The following LRRC19 variants were observed in gnomAD, a reference collection of about 807,000 sequenced individuals.
LRRC19 encodes leucine rich repeat containing 19, also known as leucine-rich repeat-containing protein 19.
In LRRC19, 33 loss-of-function variants were observed where a neutral mutation model predicts 33.3. The ratio of observed to expected loss-of-function variants is 0.99; its 90% confidence interval spans 0.75 to 1.33. LRRC19 has a LOEUF of 1.33. Among genes scored for constraint, LRRC19 ranks in the 40% most tolerant of loss-of-function variants. The pLI is 0.00. For synonymous variants in LRRC19, 184 were observed against 152.3 expected (o/e 1.21, Z -1.53); for missense variants, 463 against 417.3 (o/e 1.11, Z -0.95).
intron 1 of LRRC19, among the ~76,000 whole-genome samples, chr9:27,002,965 A>G (rs1828579218): frequency 6.6e-6 from 1 of 151,862 alleles, no homozygotes; most frequent in African/African-American, 2.4e-5. Context: ...AGTTTCTTTC[A>G]TCAGTGTTTT....
chr9:27,003,215 T>A (rs982735624), intron 1 of LRRC19, among the ~76,000 whole-genome samples: 10 of 152,226 alleles, frequency 6.6e-5, no homozygotes, highest in Non-Finnish European at 7.4e-5. Context: ...GTTTTTTTTT[T>A]AATTTTTTAA....
At chr9:27,002,951 C>G (rs1202760560) in intron 1 of LRRC19, among the ~76,000 whole-genome samples, 2 of 151,866 alleles carry the variant, frequency 1.3e-5, no homozygotes, top group African/African-American at 4.8e-5. Context: ...TTTGTATCCT[C>G]TTCAGTTTCT....
intron 1 of LRRC19, among the ~76,000 whole-genome samples, chr9:27,003,684 C>T (rs1828625769): frequency 1.3e-5 from 2 of 152,168 alleles, no homozygotes; most frequent in African/African-American, 4.8e-5. Flanking sequence ...TATGCACATT[C>T]CCCTTCTACC....
rs750620039 is a variant in LRRC19 at position 26,998,159 on chromosome 9, C to T, written c.164G>A (p.Ser55Asn). The T allele has an allele frequency of 1.2e-6, 2 of 1,603,528 alleles. No individual in the cohort carries two copies. The highest frequency in any genetic ancestry group is 1.7e-6 in the Non-Finnish European group (2 of 1,172,876). ...IKKDVTILDL[S>N]YNQITLNGTD... Reference sequence around the variant, plus strand: ...ACCATTAAGAGTAATTTGGTTATAACTGAGATCAAGTATAGTAACATCTTT... The same window carrying T: ...ACCATTAAGAGTAATTTGGTTATAATTGAGATCAAGTATAGTAACATCTTT... Residue 55 changes from serine to asparagine, a missense_variant, in exon 3 of 5, where the codon AGT becomes AAT. Ser to Asn is a conservative substitution (Grantham distance 46, BLOSUM62 1). Coordinates refer to ENST00000380055, the MANE Select transcript of LRRC19 (RefSeq NM_022901.3).
At position 26,995,575 on chromosome 9, in the gene LRRC19, A is replaced by G. The variant is rs144657022; in HGVS notation, c.1059T>C (p.Asp353=). 1 of 1,599,026 alleles carries G rather than the reference A, an allele frequency of 6.3e-7. No homozygotes were observed. Among genetic ancestry groups the G allele is most frequent in the African/African-American group, 1.3e-5 (1 of 74,548 alleles). The part of the protein sequence containing the change: ...EQLHSFVVDD[D]GFIEDKYIDI... ...CTATATATTTGTCTTCAATAAATCC[A>G]TCATCATCTACCACAAATGAATGTA... Residue 353 remains aspartate (D), a synonymous_variant, in exon 5 of 5, where the codon GAT becomes GAC. Transcript: ENST00000380055.
chr9:27,001,244 G>C (rs10967654), intron 1 of LRRC19, among the ~76,000 whole-genome samples: 3,126 of 152,034 alleles, frequency 0.021, 49 homozygotes, highest in Non-Finnish European at 0.031. Flanking sequence ...TTTTGCTCTT[G>C]TGAATAGTCC....
At chr9:27,000,062 G>C (rs1828395276) in intron 1 of LRRC19, among the ~76,000 whole-genome samples, 1 of 152,038 alleles carries the variant, frequency 6.6e-6, no homozygotes, top group South Asian at 2.1e-4. Context: ...TTATAGATAT[G>C]AGCCACTTAC....
intron 1 of LRRC19, among the ~76,000 whole-genome samples, chr9:27,005,221 A>G (rs561692162): frequency 9.2e-5 from 14 of 152,120 alleles, no homozygotes; most frequent in Admixed American, 3.9e-4. Context: ...TTCAATAATC[A>G]TCAACTCATG....
chr9:26,996,481 A>T lies in LRRC19; in HGVS notation c.614T>A (p.Met205Lys), dbSNP rs146705309. 4 of 1,480,598 alleles carry T rather than the reference A, an allele frequency of 2.7e-6. No homozygotes were observed. In the African/African-American group the frequency reaches 5.6e-5, roughly 21 times the overall value. The allele number at this position is 1,480,598 out of a possible 1,614,324, so 91.7% of individuals were successfully genotyped here. A position where few individuals can be genotyped will look rare whatever the true frequency, so the allele number is the denominator to read the frequency against. The change falls in exon 4 of 5, where the codon ATG becomes AAG. Residue 205 changes from methionine to lysine, a missense_variant. Coordinates refer to ENST00000380055, the MANE Select transcript of LRRC19 (RefSeq NM_022901.3). ...CTGCAGGCTGTTGGGGTAGCTACAC[A>T]TGGTGATGTTCTCATTTTCTAGTAA... ...NVTLENENIT[M>K]CSYPNSLQSY...
intron 3 of LRRC19, among the ~76,000 whole-genome samples, chr9:26,997,209 T>C (rs556213190): frequency 7.2e-6 from 1 of 138,418 alleles, no homozygotes; most frequent in South Asian, 2.7e-4. Flanking sequence ...CAAAACTCTG[T>C]CTCAAAAAAA....
rs1337409466 is a variant in LRRC19 at position 26,994,103 on chromosome 9, A to T, written c.*1418T>A. 6.6e-6 allele frequency: 1 copy of T among 152,210 alleles called. No individual in the cohort carries two copies. The highest frequency in any genetic ancestry group is 1.5e-5 in the Non-Finnish European group (1 of 68,040). 9.4% of individuals were successfully genotyped at this position (152,210 alleles called of 1,614,324 possible). ...TGTTTTCCAAACTACGTTCTTTGGA[A>T]TGTTATTGAACTACGAGCTCTTAGT... On this transcript the variant is annotated 3_prime_UTR_variant, in exon 5 of 5. Coordinates refer to ENST00000380055, the MANE Select transcript of LRRC19 (RefSeq NM_022901.3).
In LRRC19 at chr9:26,995,770, A is replaced by G. The variant is rs759985736; in HGVS notation, c.864T>C (p.Phe288=). 6 of 1,613,730 alleles carry G rather than the reference A, an allele frequency of 3.7e-6. No individual in the cohort carries two copies. Among genetic ancestry groups the G allele is most frequent in the Admixed American group, 1.7e-5 (1 of 60,006 alleles). The change falls in exon 5 of 5, where the codon TTT becomes TTC. Residue 288 remains phenylalanine, a synonymous_variant. Transcript: ENST00000380055. The part of the protein sequence containing the change: ...VTVLTTSLLI[F]IAIKCPIWYN... The stretch of plus-strand genomic sequence containing the variant: ...ACCATATTGGGCATTTGATAGCAAT[A>G]AAAATGAGAAGTGAAGTCGTCAGTA...
intron 1 of LRRC19, among the ~76,000 whole-genome samples, chr9:27,002,961 T>C (rs750474170): frequency 2.0e-5 from 3 of 152,202 alleles, no homozygotes; most frequent in Non-Finnish European, 4.4e-5. Context: ...CTTCAGTTTC[T>C]TTCATCAGTG....
chr9:26,998,555 G>A (rs6475950), intron 2 of LRRC19, among the ~76,000 whole-genome samples: 131,062 of 152,234 alleles, frequency 0.86, 56,567 homozygotes, highest in South Asian at 0.95. Flanking sequence ...ATGTGGAAAT[G>A]TATGGTAAAT....
intron 1 of LRRC19, among the ~76,000 whole-genome samples, chr9:27,004,802 T>A (rs1306580619): frequency 1.3e-5 from 2 of 152,160 alleles, no homozygotes; most frequent in Admixed American, 6.5e-5. Context: ...GTTTCTTTTG[T>A]TATTTCACAA....
chr9:26,997,212 CA>C (rs59898737), intron 3 of LRRC19, among the ~76,000 whole-genome samples: 34,434 of 138,716 alleles, frequency 0.25, 4,718 homozygotes, highest in East Asian at 0.69. Flanking sequence ...AACTCTGTCT[CA>C]AAAAAAAAAA....
At position 26,999,618 on chromosome 9, in the gene LRRC19, T is replaced by C. The variant is rs777725816; in HGVS notation, c.77A>G (p.Lys26Arg). 1.1e-5 allele frequency: 17 copies of C among 1,593,900 alleles called. No individual in the cohort carries two copies. The highest frequency in any genetic ancestry group is 8.6e-7 in the Non-Finnish European group (1 of 1,167,486). Reference protein sequence around the residue: ...ILLSDKIQSSKREVQCNFTEK... With the variant: ...ILLSDKIQSSRREVQCNFTEK... ...ATTTTGATTGTAAAAACTTACTCTT[T>C]TAGAAGACTGGATTTTGTCTGATAA... The change falls in exon 2 of 5, where the codon AAA becomes AGA. Residue 26 changes from lysine to arginine, a missense_variant. Coordinates refer to ENST00000380055, the MANE Select transcript of LRRC19 (RefSeq NM_022901.3).
rs146959521 is a variant in LRRC19, at chr9:27,000,623, T to C, written c.-9-920A>G. Among the ~76,000 whole-genome samples, 55 of 152,350 alleles carry C rather than the reference T, an allele frequency of 3.6e-4. 1 individual carries two copies. In the East Asian group the frequency reaches 0.01, roughly 29 times the overall value. ...GGATATCCAACACGTTAAATATTTG[T>C]CTTTTCTTTATAATGGAAACATTCA... On this transcript the variant is annotated intron_variant, in intron 1 of 4. Coordinates refer to ENST00000380055, the MANE Select transcript of LRRC19 (RefSeq NM_022901.3).
intron 3 of LRRC19, among the ~76,000 whole-genome samples, chr9:26,996,799 A>G (rs1207515983): frequency 3.3e-5 from 5 of 152,198 alleles, no homozygotes; most frequent in Admixed American, 6.5e-5. Context: ...TATGGTTTGC[A>G]GTTAAAATAC....
Sources: gnomAD v4.1 joint callset for allele counts (sites outside exome capture counted in the v4.1 genomes callset) on GRCh38, gnomAD v4.1.1 for gene constraint, MANE v1.5 for transcripts, NCBI Gene and HGNC (gene_info 2026-07-23, HGNC 2026-07-21) for gene names.